SENP3: variants seen among roughly 807,000 people sequenced by gnomAD.
SENP3 encodes the protein sentrin-specific protease 3.
A neutral mutation model predicts 66.2 loss-of-function variants in SENP3; 11 were observed. That is an observed-to-expected ratio of 0.17 (90% confidence interval 0.10 to 0.28). SENP3 has a LOEUF of 0.28. SENP3 is among the 10% of genes least tolerant of loss of function. The probability of loss-of-function intolerance (pLI) is 1.00; values close to 1 mark genes in which losing one functional copy is unlikely to be tolerated. For synonymous variants in SENP3, 292 were observed against 277.6 expected (o/e 1.05, Z -0.52); for missense variants, 548 against 743.7 (o/e 0.74, Z 3.06).
rs2071328340 is a variant in SENP3 at position 7,571,910 on chromosome 17, A to ATAT, written c.*427_*428insTAT. Reference sequence around the variant, plus strand: ...ATATATATATATATATATATATATAAAAATATATAAATGCCACGGTCCTGC... The same window carrying ATAT: ...ATATATATATATATATATATATATAATATAAATATATAAATGCCACGGTCCTGC... On this transcript the variant is annotated 3_prime_UTR_variant, in exon 11 of 11. Transcript: ENST00000321337. The ATAT allele has an allele frequency of 1.2e-4, 3 of 25,318 alleles. 1 individual carries two copies. Among genetic ancestry groups the ATAT allele is most frequent in the Non-Finnish European group, 2.2e-4 (3 of 13,910 alleles). The allele number at this position is 25,318 out of a possible 1,614,324, so 1.6% of individuals were successfully genotyped here.
At position 7,564,803 on chromosome 17, in the gene SENP3, G is replaced by A; in HGVS notation, c.894G>A (p.Arg298=). Residue 298 remains arginine (R), a synonymous_variant, in exon 3 of 11, where the codon AGG becomes AGA. Coordinates refer to ENST00000321337, the MANE Select transcript of SENP3 (RefSeq NM_015670.6). ...SDLGMAEEAE[R]PGEKAGQHSP... ...TGGGCATGGCAGAAGAGGCAGAGAG[G>A]CCTGGGGAGAAAGCCGGCCAGCACA... 1 of 1,613,848 alleles carries A rather than the reference G, an allele frequency of 6.2e-7. No individual in the cohort carries two copies. Among genetic ancestry groups the A allele is most frequent in the Non-Finnish European group, 8.5e-7 (1 of 1,179,810 alleles).
intron 7 of SENP3, 141 bp downstream of exon 7, chr17:7,567,145 A>T (rs1191866412): frequency 5.8e-6 from 4 of 695,516 alleles, no homozygotes; most frequent in Non-Finnish European, 1.0e-5. Context: ...GGCACTAAGG[A>T]TACAGTGTTA....
chr17:7,566,033 TAAAAAA>T (rs541730447), intron 6 of SENP3: 54 of 295,784 alleles, frequency 1.8e-4, no homozygotes, highest in South Asian at 6.6e-4. Flanking sequence ...AAACAAGATT[TAAAAAA>T]AAAAAGAAAA....
intron 6 of SENP3, among the ~76,000 whole-genome samples, chr17:7,566,212 A>C (rs939460772): frequency 6.6e-6 from 1 of 151,832 alleles, no homozygotes; most frequent in Admixed American, 6.6e-5. Context: ...ATGGTGGTGC[A>C]TGCCTATAAT....
Position 7,571,837 on chromosome 17 carries a change from TTATATA to T in SENP3, c.*421_*426del, listed in dbSNP as rs58537439. 1.3e-4 allele frequency: 4 copies of T among 30,490 alleles called. No individual in the cohort carries two copies. The highest frequency in any genetic ancestry group is 5.2e-4 in the Admixed American group (1 of 1,918). The allele number at this position is 30,490 out of a possible 1,614,324, so 1.9% of individuals were successfully genotyped here. ...CACTGCCTGCCAGATCTTCAAACTT[TTATATA>T]TATATATATATATATATATATATAT... On this transcript the variant is annotated 3_prime_UTR_variant, in exon 11 of 11. Coordinates refer to ENST00000321337, the MANE Select transcript of SENP3 (RefSeq NM_015670.6).
Position 7,570,270 on chromosome 17 carries a change from C to T in SENP3, c.1342-86C>T, listed in dbSNP as rs897166699. ...CTGTTCTTTCACTTGGTTCCCTTACCTGTGTCTCTGTTCCTCTCTAGAACC... is the reference window on the plus strand; with the variant it reads ...CTGTTCTTTCACTTGGTTCCCTTACTTGTGTCTCTGTTCCTCTCTAGAACC... On this transcript the variant is annotated intron_variant, in intron 7 of 10. Coordinates refer to ENST00000321337, the MANE Select transcript of SENP3 (RefSeq NM_015670.6). The surrounding 1 kb of genome is among the most constrained non-coding windows in gnomAD (Gnocchi z 5.4). 1.3e-6 allele frequency: 2 copies of T among 1,507,536 alleles called. No homozygotes were observed. Among genetic ancestry groups the T allele is most frequent in the Non-Finnish European group, 1.8e-6 (2 of 1,104,912 alleles). The allele number at this position is 1,507,536 out of a possible 1,614,324, so 93.4% of individuals were successfully genotyped here.
Position 7,570,542 on chromosome 17 carries a change from G to A in SENP3, c.1479+49G>A, listed in dbSNP as rs1312073185. ...GGGCAAAATGTGGGGCGGTGCAGTG[G>A]CAAGGCATTGCAGGAAGAAGGGTGG... is the stretch of plus-strand genomic sequence containing the variant. On this transcript the variant is annotated intron_variant, in intron 8 of 10. Coordinates refer to ENST00000321337, the MANE Select transcript of SENP3 (RefSeq NM_015670.6). This position sits in a 1 kb window ranked among gnomAD's most constrained non-coding sequence, Gnocchi z 5.4. 1.3e-6 allele frequency: 2 copies of A among 1,589,914 alleles called. No homozygotes were observed. Among genetic ancestry groups the A allele is most frequent in the Admixed American group, 3.6e-5 (2 of 56,280 alleles).
intron 7 of SENP3, among the ~76,000 whole-genome samples, chr17:7,569,376 C>G (rs1262585983): frequency 1.2e-5 from 1 of 84,462 alleles, no homozygotes. Context: ...CAGAGCAAGA[C>G]TCCGTCTCAA....
rs765389289 is a variant in SENP3, at chr17:7,570,637, T to G, written c.1480-44T>G. On this transcript the variant is annotated intron_variant, in intron 8 of 10. Transcript: ENST00000321337. This position sits in a 1 kb window ranked among gnomAD's most constrained non-coding sequence, Gnocchi z 5.4. ...ACTGTACCCACCATACTGTGTTCAA[T>G]TGAGAAACTTAGGGCATCACTTTCT... The G allele has an allele frequency of 6.3e-7, 1 of 1,595,288 alleles. No individual in the cohort carries two copies. Among genetic ancestry groups the G allele is most frequent in the African/African-American group, 1.3e-5 (1 of 74,500 alleles).
chr17:7,565,038 C>G lies in SENP3; in HGVS notation c.1035C>G (p.Asp345Glu). ...ATGAGGTAGTAGAGAAGCTGGAGGA[C>G]ATTTTCCAGCAGGAGTTTTCCACCC... ...STDEVVEKLE[D>E]IFQQEFSTPS... The change falls in exon 4 of 11, where the codon GAC becomes GAG. Residue 345 changes from aspartate (D) to glutamate (E), a missense_variant. By Grantham distance (45) the Asp-to-Glu change is conservative. This residue lies in a region of SENP3 where 72 missense variants were observed against 137.9 expected (regional missense o/e 0.52). Transcript: ENST00000321337. 1 of 1,613,602 alleles carries G rather than the reference C, an allele frequency of 6.2e-7. No individual in the cohort carries two copies. The highest frequency in any genetic ancestry group is 8.5e-7 in the Non-Finnish European group (1 of 1,179,520).
At position 7,562,846 on chromosome 17, in the gene SENP3, C is replaced by T. The variant is rs2071231168; in HGVS notation, c.-11-220C>T. Among the ~76,000 whole-genome samples, 1 of 152,214 alleles carries T rather than the reference C, an allele frequency of 6.6e-6. No homozygotes were observed. The highest frequency in any genetic ancestry group is 6.5e-5 in the Admixed American group (1 of 15,278). On this transcript the variant is annotated intron_variant, in intron 1 of 10. Coordinates refer to ENST00000321337, the MANE Select transcript of SENP3 (RefSeq NM_015670.6). This position sits in a 1 kb window ranked among gnomAD's most constrained non-coding sequence, Gnocchi z 5.0. ...AGATCTCTGAGGCCTGCTGCTTAGC[C>T]ATTTTCCCTTGTCTCTGGACTGGGG...
At position 7,562,537 on chromosome 17, in the gene SENP3, C is replaced by T. The variant is rs571266074; in HGVS notation, c.-12+274C>T. On this transcript the variant is annotated intron_variant, in intron 1 of 10. Transcript: ENST00000321337. This position sits in a 1 kb window ranked among gnomAD's most constrained non-coding sequence, Gnocchi z 5.0. The stretch of plus-strand genomic sequence containing the variant: ...CTTTAAGTTTCCTTCAAAGTTCTTC[C>T]CCGTTTATCAGCCTCTGCCCCCTGA... Among the ~76,000 whole-genome samples the T allele has an allele frequency of 3.3e-5, 5 of 152,340 alleles. No individual in the cohort carries two copies. The South Asian group carries it at 1.0e-3, about 32-fold the overall frequency.
At chr17:7,566,823 A>G (rs2071273152) in intron 6 of SENP3, 104 bp from the exon 7 acceptor site, 1 of 876,280 alleles carries the variant, frequency 1.1e-6, no homozygotes, top group Non-Finnish European at 1.8e-6. Flanking sequence ...AAAAAGAAAA[A>G]ACCCAGAATT....
chr17:7,567,519 CAAA>C (rs556802728), intron 7 of SENP3, among the ~76,000 whole-genome samples: 1 of 120,038 alleles, frequency 8.3e-6, no homozygotes, highest in Non-Finnish European at 1.8e-5. Flanking sequence ...AACTCCGTCT[CAAA>C]AAAAAAAAAA....
In SENP3 at chr17:7,565,286, T is replaced by C. The variant is rs963551901; in HGVS notation, c.1068-154T>C. 12 of 903,736 alleles carry C rather than the reference T, an allele frequency of 1.3e-5. No individual in the cohort carries two copies. In the African/African-American group the frequency reaches 2.0e-4, roughly 15 times the overall value. 56.0% of individuals were successfully genotyped at this position (903,736 alleles called of 1,614,324 possible). ...CTACCTGAGTAGTCATGTTTATCTT[T>C]CTGGGGAGTGGGCCTTTCGCAGGTC... On this transcript the variant is annotated intron_variant, in intron 4 of 10. Coordinates refer to ENST00000321337, the MANE Select transcript of SENP3 (RefSeq NM_015670.6).
chr17:7,571,277 G>T (rs2071311758), intron 10 of SENP3, 96 bp from the exon 11 acceptor site: 1 of 918,188 alleles, frequency 1.1e-6, no homozygotes, highest in Non-Finnish European at 1.7e-6. Context: ...TCCCTTTGGG[G>T]ATGTTCTCTG....
At chr17:7,564,260 C>A in intron 2 of SENP3, 1 of 409,042 alleles carries the variant, frequency 2.4e-6, no homozygotes, top group Middle Eastern at 6.3e-4. Flanking sequence ...CAGTTTCAGG[C>A]TCTCTAGGTC....
Position 7,563,340 on chromosome 17 carries a change from TGAA to T in SENP3, c.267_269del (p.Glu92del). On this transcript the variant is annotated inframe_deletion, in exon 2 of 11. Coordinates refer to ENST00000321337, the MANE Select transcript of SENP3 (RefSeq NM_015670.6). ...AAGAGGAGGAGGAGGAGGATGAAGA[TGAA>T]GAGGAGGAAGTGGCAGCTTGGAGGC... 1 of 1,552,290 alleles carries T rather than the reference TGAA, an allele frequency of 6.4e-7. No homozygotes were observed. Among genetic ancestry groups the T allele is most frequent in the South Asian group, 1.2e-5 (1 of 84,086 alleles).
chr17:7,571,439 C>T lies in SENP3; in HGVS notation c.1681C>T (p.Arg561Trp), dbSNP rs1254343836. The T allele has an allele frequency of 1.9e-6, 3 of 1,613,476 alleles. No individual in the cohort carries two copies. Among genetic ancestry groups the T allele is most frequent in the Non-Finnish European group, 2.5e-6 (3 of 1,179,746 alleles). ...FTQQDMPKLR[R>W]QIYKELCHCK... Reference sequence around the variant, plus strand: ...CCAGCAGGACATGCCCAAACTTCGTCGGCAGATCTACAAGGAGCTGTGTCA... The same window carrying T: ...CCAGCAGGACATGCCCAAACTTCGTTGGCAGATCTACAAGGAGCTGTGTCA... Residue 561 changes from arginine to tryptophan, a missense_variant, in exon 11 of 11, where the codon CGG (arginine) becomes TGG (tryptophan). Transcript: ENST00000321337.
Sources: allele counts gnomAD v4.1 joint callset (sites outside exome capture counted in the v4.1 genomes callset), GRCh38; gene constraint gnomAD v4.1.1; regional missense constraint gnomAD v4.1.1; non-coding constraint Gnocchi (gnomAD v3.1); transcripts MANE v1.5; gene names NCBI Gene and HGNC (gene_info 2026-07-23, HGNC 2026-07-21).